Variants in ARMH3 observed in about 807,000 individuals in gnomAD.
The protein encoded by ARMH3 is armadillo-like helical domain-containing protein 3.
A neutral mutation model predicts 99.1 loss-of-function variants in ARMH3; 60 were observed. The ratio of observed to expected loss-of-function variants is 0.61; its 90% CI spans 0.49 to 0.75. The LOEUF is 0.75. ARMH3 is among the 30% of genes least tolerant of loss of function. The pLI, the probability that ARMH3 is intolerant of heterozygous loss-of-function variation, is 0.00. For missense variants in ARMH3, 679 were observed against 843.1 expected, an observed-to-expected ratio of 0.81 and a Z score of 2.41; for synonymous variants, 285 against 292.8, an observed-to-expected ratio of 0.97 and a Z score of 0.27.
chr10:101,983,981 G>T (rs575613763), intron 19 of ARMH3, among the ~76,000 whole-genome samples: 2 of 152,196 alleles, frequency 1.3e-5, no homozygotes, highest in African/African-American at 4.8e-5. Context: ...TAGGGACTGA[G>T]CCCTAAACCC....
At position 102,032,948 on chromosome 10, in the gene ARMH3, G is replaced by C. The variant is rs533691757; in HGVS notation, c.306+78C>G. The C allele has an allele frequency of 1.0e-5, 15 of 1,496,964 alleles. No homozygotes were observed. The African/African-American group carries it at 1.7e-4, about 17-fold the overall frequency. 92.7% of individuals were successfully genotyped at this position (1,496,964 alleles called of 1,614,324 possible). A position where few individuals can be genotyped will look rare whatever the true frequency, so the allele number is the denominator to read the frequency against. On this transcript the variant is annotated intron_variant, in intron 4 of 25. Coordinates refer to ENST00000370033, the MANE Select transcript of ARMH3 (RefSeq NM_024541.3). The stretch of plus-strand genomic sequence containing the variant: ...AACCTCATACCTCAGAGCAACTCTA[G>C]GTTCCTCAGTTCAAACAGATGTGTT...
intron 14 of ARMH3, 89 bp from the exon 15 acceptor site, chr10:102,002,161 A>T (rs2066376081): frequency 6.4e-7 from 1 of 1,558,496 alleles, no homozygotes. Context: ...GCAGGCAAAA[A>T]AATCACTAAA....
intron 23 of ARMH3, among the ~76,000 whole-genome samples, chr10:101,903,907 G>T (rs780064876): frequency 1.3e-4 from 20 of 152,194 alleles, no homozygotes; most frequent in Non-Finnish European, 2.5e-4. Context: ...GGCCAGGGCA[G>T]GTTCTCTACC....
At chr10:101,945,518 G>T (rs1030645764) in intron 22 of ARMH3, among the ~76,000 whole-genome samples, 1 of 152,110 alleles carries the variant, frequency 6.6e-6, no homozygotes, top group Non-Finnish European at 1.5e-5. Flanking sequence ...AGGAGTTCGA[G>T]ACCAGCCTGA....
intron 9 of ARMH3, among the ~76,000 whole-genome samples, chr10:102,013,551 T>C (rs1453190602): frequency 6.6e-6 from 1 of 152,218 alleles, no homozygotes; most frequent in Admixed American, 6.5e-5. Context: ...AGGATACATA[T>C]AGTAGATACA....
Position 102,009,451 on chromosome 10 carries a change from T to G in ARMH3, c.879-2A>C. Reference sequence around the variant, plus strand: ...GCCAGAAGAATGGCCTCATTGGTTCTAAAGAAAAAGAGAACAAATTGGAGC... The same window carrying G: ...GCCAGAAGAATGGCCTCATTGGTTCGAAAGAAAAAGAGAACAAATTGGAGC... On this transcript the variant is annotated splice_acceptor_variant, in intron 12 of 25. Coordinates refer to ENST00000370033, the MANE Select transcript of ARMH3 (RefSeq NM_024541.3). LOFTEE classifies it high-confidence loss of function. 1 of 1,613,070 alleles carries G rather than the reference T, an allele frequency of 6.2e-7. No homozygotes were observed. The highest frequency in any genetic ancestry group is 8.5e-7 in the Non-Finnish European group (1 of 1,179,206).
chr10:102,034,987 A>G (rs935431090), intron 2 of ARMH3, among the ~76,000 whole-genome samples: 1 of 152,210 alleles, frequency 6.6e-6, no homozygotes, highest in Non-Finnish European at 1.5e-5. Context: ...CTGTAACGTC[A>G]GCATTTTGTA....
chr10:101,981,977 G>A (rs1590127718), intron 19 of ARMH3, among the ~76,000 whole-genome samples: 2 of 133,268 alleles, frequency 1.5e-5, no homozygotes, highest in East Asian at 2.4e-4. Context: ...AGCCAAGATC[G>A]CACCACTGCA....
At chr10:101,945,318 G>A (rs553547597) in intron 22 of ARMH3, among the ~76,000 whole-genome samples, 2 of 152,148 alleles carry the variant, frequency 1.3e-5, no homozygotes, top group Admixed American at 6.5e-5. Context: ...GCAGTGCCTC[G>A]TGCCTGCCAT....
chr10:102,011,777 A>G lies in ARMH3; in HGVS notation c.777T>C (p.Tyr259=), dbSNP rs2066634792. The G allele has an allele frequency of 1.2e-6, 2 of 1,609,128 alleles. No individual in the cohort carries two copies. Among genetic ancestry groups the G allele is most frequent in the South Asian group, 1.1e-5 (1 of 90,444 alleles). ...AQALSEYNRQ[Y]KDKEEEHQSG... ...TTTGGTGTTCTTCTTCCTTGTCTTT[A>G]TACTGCCTAAACAAAAAGAACTAAA... Residue 259 remains tyrosine, a synonymous_variant, in exon 11 of 26, where the codon TAT becomes TAC. Coordinates refer to ENST00000370033, the MANE Select transcript of ARMH3 (RefSeq NM_024541.3).
intron 24 of ARMH3, among the ~76,000 whole-genome samples, chr10:101,873,475 C>T (rs2067185567): frequency 6.6e-6 from 1 of 151,962 alleles, no homozygotes. Context: ...TTTCTTTCAA[C>T]ATATTTATTG....
intron 24 of ARMH3, among the ~76,000 whole-genome samples, chr10:101,877,236 G>A (rs940697398): frequency 6.6e-6 from 1 of 152,104 alleles, no homozygotes; most frequent in Non-Finnish European, 1.5e-5. Context: ...CCGGGAGCTC[G>A]AGGTTGCAGT....
chr10:102,036,894 A>C (rs541051074), intron 2 of ARMH3, among the ~76,000 whole-genome samples: 10 of 151,300 alleles, frequency 6.6e-5, no homozygotes, highest in African/African-American at 2.4e-4. Flanking sequence ...AAAGAAAACA[A>C]AACAAAAATT....
At chr10:102,024,786 T>C (rs1406130250) in intron 6 of ARMH3, among the ~76,000 whole-genome samples, 1 of 147,688 alleles carries the variant, frequency 6.8e-6, no homozygotes, top group African/African-American at 2.5e-5. Context: ...GCCATTGCAC[T>C]CCAGCCTGGG....
chr10:101,850,387 T>C (rs2066567822), intron 24 of ARMH3, among the ~76,000 whole-genome samples: 1 of 148,508 alleles, frequency 6.7e-6, no homozygotes, highest in Admixed American at 6.7e-5. Context: ...GTGTGAGCCA[T>C]TGAGCCTGGC....
intron 24 of ARMH3, among the ~76,000 whole-genome samples, chr10:101,877,286 C>T (rs2067292952): frequency 6.6e-6 from 1 of 151,438 alleles, no homozygotes; most frequent in Non-Finnish European, 1.5e-5. Flanking sequence ...TCACTGGAGC[C>T]CAGGAGATTA....
chr10:101,870,553 TTACTA>T (rs1449453472), intron 24 of ARMH3, among the ~76,000 whole-genome samples: 3 of 152,192 alleles, frequency 2.0e-5, no homozygotes, highest in Admixed American at 6.5e-5. Flanking sequence ...TTTTCCAACT[TTACTA>T]TATGTTTGAA....
At chr10:101,973,143 A>G (rs555900833) in intron 20 of ARMH3, among the ~76,000 whole-genome samples, 1 of 152,152 alleles carries the variant, frequency 6.6e-6, no homozygotes, top group Non-Finnish European at 1.5e-5. Context: ...GGCGGATCAC[A>G]AGGTCAGGAG....
chr10:102,014,316 C>A (rs2066696632), intron 8 of ARMH3, among the ~76,000 whole-genome samples: 1 of 152,216 alleles, frequency 6.6e-6, no homozygotes, highest in Non-Finnish European at 1.5e-5. Context: ...TACGATCTTT[C>A]CCTCTTACTT....
Sources: gnomAD v4.1 joint callset for allele counts (sites outside exome capture counted in the v4.1 genomes callset) on GRCh38, gnomAD v4.1.1 for gene constraint, MANE v1.5 for transcripts, NCBI Gene and HGNC (gene_info 2026-07-23, HGNC 2026-07-21) for gene names.